Variants in CBLB observed in about 807,000 individuals in gnomAD.
CBLB encodes the protein E3 ubiquitin-protein ligase CBL-B.
In CBLB, 31 loss-of-function variants were observed where a neutral mutation model predicts 104.9. The ratio of observed to expected loss-of-function variants is 0.30; its 90% CI spans 0.22 to 0.40. CBLB has a LOEUF of 0.40. Among genes scored for constraint, CBLB ranks in the 10% least tolerant of loss-of-function variants. The probability of loss-of-function intolerance (pLI) is 1.00; values close to 1 mark genes in which losing one functional copy is unlikely to be tolerated. For synonymous variants in CBLB, 440 were observed against 422.6 expected, an observed-to-expected ratio of 1.04 and a Z score of -0.51; for missense variants, 1,062 against 1,214.6, an observed-to-expected ratio of 0.87 and a Z score of 1.87.
In CBLB at chr3:105,681,718, A is replaced by G; in HGVS notation, c.2296+6T>C. 6.3e-7 allele frequency: 1 copy of G among 1,596,076 alleles called. No homozygotes were observed. Among genetic ancestry groups the G allele is most frequent in the Non-Finnish European group, 8.6e-7 (1 of 1,163,580 alleles). On this transcript the variant is annotated splice_donor_region_variant and intron_variant, in intron 15 of 18. Transcript: ENST00000394030. ...CATCACAAAGGAAATTATATTCTAT[A>G]CGTACCCTTTAAATATATGCTTAAG...
intron 14 of CBLB, among the ~76,000 whole-genome samples, chr3:105,684,161 T>C (rs970835447): frequency 1.3e-5 from 2 of 152,130 alleles, no homozygotes; most frequent in African/African-American, 4.8e-5. Flanking sequence ...ATCTCCCCTA[T>C]CCCTCAGTCA....
chr3:105,776,259 CA>C, intron 4 of CBLB, 136 bp downstream of exon 4: 1 of 626,916 alleles, frequency 1.6e-6, no homozygotes, highest in South Asian at 1.9e-5. Flanking sequence ...AATTACCAAT[CA>C]ATCAAAATGC....
chr3:105,825,652 T>A (rs142981540), intron 3 of CBLB, among the ~76,000 whole-genome samples: 4 of 152,294 alleles, frequency 2.6e-5, no homozygotes, highest in African/African-American at 9.6e-5. Context: ...ATAGCAGATT[T>A]TACTGCCATG....
rs1576792869 is a variant in CBLB, at chr3:105,742,825, T to C, written c.846-2194A>G. On this transcript the variant is annotated intron_variant, in intron 6 of 18. Transcript: ENST00000394030. ...AAATGTAATTCCAAATTTATTCATA[T>C]AGTAAGAATCTAGTAGATACTGAAA... 2.6e-5 allele frequency among the ~76,000 whole-genome samples: 4 copies of C among 152,346 alleles called. No individual in the cohort carries two copies. The East Asian group carries it at 7.7e-4, about 29-fold the overall frequency.
Position 105,685,385 on chromosome 3 carries a change from A to G in CBLB, c.2136T>C (p.Pro712=), listed in dbSNP as rs972499159. 1 of 1,612,166 alleles carries G rather than the reference A, an allele frequency of 6.2e-7. No homozygotes were observed. Among genetic ancestry groups the G allele is most frequent in the East Asian group, 2.2e-5 (1 of 44,776 alleles). The change falls in exon 14 of 19, where the codon CCT becomes CCC. Residue 712 remains proline (P), a synonymous_variant. Coordinates refer to ENST00000394030, the MANE Select transcript of CBLB (RefSeq NM_170662.5). ...VEEDDDEYKI[P]SSHPVSLNSQ... The stretch of plus-strand genomic sequence containing the variant: ...AATTCAGGGAAACAGGGTGGGATGA[A>G]GGAATCTTGTATTCATCATCATCTT...
chr3:105,710,462 C>T (rs2070905311), intron 10 of CBLB, among the ~76,000 whole-genome samples: 1 of 151,946 alleles, frequency 6.6e-6, no homozygotes, highest in African/African-American at 2.4e-5. Flanking sequence ...AAGACACAAA[C>T]ATCCTTTCAA....
Position 105,703,974 on chromosome 3 carries a change from T to C in CBLB, c.1593+14A>G. 1.2e-6 allele frequency: 2 copies of C among 1,610,470 alleles called. No homozygotes were observed. Among genetic ancestry groups the C allele is most frequent in the Non-Finnish European group, 1.7e-6 (2 of 1,176,686 alleles). ...ACAAAATTTTCATCTGTGTTTCTAATAAAATTGATCTACCTTTGGTGAACC... is the reference window on the plus strand; with the variant it reads ...ACAAAATTTTCATCTGTGTTTCTAACAAAATTGATCTACCTTTGGTGAACC... On this transcript the variant is annotated intron_variant, in intron 11 of 18. Coordinates refer to ENST00000394030, the MANE Select transcript of CBLB (RefSeq NM_170662.5).
chr3:105,829,521 T>C (rs898203314), intron 3 of CBLB, among the ~76,000 whole-genome samples: 1 of 151,902 alleles, frequency 6.6e-6, no homozygotes, highest in African/African-American at 2.4e-5. Context: ...CAGCCAGGCA[T>C]AGTGGCATGT....
At chr3:105,866,873 T>G (rs2092456721) in intron 2 of CBLB, among the ~76,000 whole-genome samples, 1 of 152,224 alleles carries the variant, frequency 6.6e-6, no homozygotes, top group Non-Finnish European at 1.5e-5. Flanking sequence ...TGAAAGAAAC[T>G]GTTAACTCTC....
At chr3:105,832,566 A>G (rs140513441) in intron 3 of CBLB, among the ~76,000 whole-genome samples, 93 of 152,298 alleles carry the variant, frequency 6.1e-4, no homozygotes, top group Non-Finnish European at 8.7e-4. Context: ...TCTCAACCAT[A>G]CCAGATTGAC....
At chr3:105,783,325 C>T (rs893566676) in intron 3 of CBLB, among the ~76,000 whole-genome samples, 2 of 152,186 alleles carry the variant, frequency 1.3e-5, no homozygotes, top group Non-Finnish European at 2.9e-5. Flanking sequence ...ATTAATTCTA[C>T]TTACCACTTG....
Position 105,820,403 on chromosome 3 carries a change from C to T in CBLB, c.419+33011G>A, listed in dbSNP as rs552011650. On this transcript the variant is annotated intron_variant, in intron 3 of 18. Transcript: ENST00000394030. ...TGTGTTAGGGTTCAGAAAGAAGCAG[C>T]TAGCAGAAAGAATTTAAAATAGTAG... is the stretch of plus-strand genomic sequence containing the variant. Among the ~76,000 whole-genome samples the T allele has an allele frequency of 1.2e-4, 18 of 152,262 alleles. 1 individual carries two copies. In the South Asian group the frequency reaches 3.3e-3, roughly 28 times the overall value.
chr3:105,800,173 T>C (rs2082677005), intron 3 of CBLB, among the ~76,000 whole-genome samples: 1 of 152,084 alleles, frequency 6.6e-6, no homozygotes, highest in Non-Finnish European at 1.5e-5. Context: ...TCAGTGGTTT[T>C]CAAACCTACC....
chr3:105,678,399 G>A (rs755475315), intron 17 of CBLB, 32 bp downstream of exon 17: 6 of 1,607,988 alleles, frequency 3.7e-6, no homozygotes, highest in Admixed American at 1.7e-5. Flanking sequence ...TTTGCTTTAA[G>A]TGAATAGTTT....
chr3:105,715,620 C>T (rs983093375), intron 10 of CBLB, among the ~76,000 whole-genome samples: 4 of 152,040 alleles, frequency 2.6e-5, no homozygotes, highest in Non-Finnish European at 5.9e-5. Flanking sequence ...ATCATTGGCC[C>T]GCTCATAAAA....
chr3:105,868,896 G>A lies in CBLB; in HGVS notation c.-175C>T. On this transcript the variant is annotated 5_prime_UTR_variant, in exon 1 of 19. Transcript: ENST00000394030. The stretch of plus-strand genomic sequence containing the variant: ...CCAGCGCGCAGGCCTCCGAGACGTG[G>A]AAACGCAACAATTACCGTCAAGACA... 1 of 1,010,990 alleles carries A rather than the reference G, an allele frequency of 9.9e-7. No homozygotes were observed. Among genetic ancestry groups the A allele is most frequent in the Non-Finnish European group, 1.2e-6 (1 of 846,778 alleles). The allele number at this position is 1,010,990 out of a possible 1,614,324, so 62.6% of individuals were successfully genotyped here.
chr3:105,670,348 G>A lies in CBLB; in HGVS notation c.2574C>T (p.Pro858=), dbSNP rs2064939435. 8 of 1,610,558 alleles carry A rather than the reference G, an allele frequency of 5.0e-6. No individual in the cohort carries two copies. The highest frequency in any genetic ancestry group is 3.3e-5 in the South Asian group (3 of 90,988). ...GQDLFLLPSD[P]FVDLASGQVP... ...CTTGGCCACTTGCTAGATCAACAAA[G>A]GGATCTTAAAAATAAAAACAAGTTT... The change falls in exon 18 of 19, where the codon CCC becomes CCT. Residue 858 remains proline (P), a synonymous_variant. Coordinates refer to ENST00000394030, the MANE Select transcript of CBLB (RefSeq NM_170662.5).
Position 105,655,546 on chromosome 3 carries a change from G to A in CBLB, c.*3424C>T, listed in dbSNP as rs2152648786. ...ATAATAACCAGAATTGAAAAGGAAT[G>A]AATAAAATATAAATTAATTGAACAT... is the stretch of plus-strand genomic sequence containing the variant. On this transcript the variant is annotated 3_prime_UTR_variant, in exon 19 of 19. Transcript: ENST00000394030. 5.6e-6 allele frequency: 1 copy of A among 178,636 alleles called. No individual in the cohort carries two copies. The highest frequency in any genetic ancestry group is 2.4e-5 in the African/African-American group (1 of 42,422). 11.1% of individuals were successfully genotyped at this position (178,636 alleles called of 1,614,324 possible).
chr3:105,763,617 T>C (rs1164356953), intron 4 of CBLB, among the ~76,000 whole-genome samples: 1 of 152,228 alleles, frequency 6.6e-6, no homozygotes, highest in Non-Finnish European at 1.5e-5. Flanking sequence ...ATTAAACTTC[T>C]TTTTCTTTAT....
Sources: gnomAD v4.1 joint callset for allele counts (sites outside exome capture counted in the v4.1 genomes callset) on GRCh38, gnomAD v4.1.1 for gene constraint, MANE v1.5 for transcripts, NCBI Gene and HGNC (gene_info 2026-07-23, HGNC 2026-07-21) for gene names.